The following FBXO15 variants were observed in gnomAD, a reference collection of about 807,000 sequenced individuals.
FBXO15 encodes the protein F-box protein 15.
FBXO15 carries 30 observed loss-of-function variants against 49.5 expected under a neutral mutation model. The observed-to-expected ratio is 0.61, with a 90% CI of 0.45 to 0.82. FBXO15 has a LOEUF of 0.82. Ranked by LOEUF, FBXO15 falls within the 40% of genes least tolerant of loss-of-function variation. The pLI is 0.00. For synonymous variants in FBXO15, 250 were observed against 232.7 expected (o/e 1.07, Z -0.68); for missense variants, 591 against 631.5 (o/e 0.94, Z 0.69).
intron 1 of FBXO15, 161 bp downstream of exon 1, chr18:74,147,509 A>G: frequency 1.6e-6 from 2 of 1,250,224 alleles, no homozygotes; most frequent in East Asian, 3.2e-5. Flanking sequence ...GTTGCAGGGT[A>G]GAAAGGATTT....
At chr18:74,132,176 ATGAGT>A (rs1978435032) in intron 3 of FBXO15, among the ~76,000 whole-genome samples, 1 of 152,256 alleles carries the variant, frequency 6.6e-6, no homozygotes, top group Non-Finnish European at 1.5e-5. Flanking sequence ...CAATGCGATG[ATGAGT>A]TGAGTACATT....
chr18:74,101,309 C>A (rs1448729426), intron 8 of FBXO15, among the ~76,000 whole-genome samples: 2 of 152,138 alleles, frequency 1.3e-5, no homozygotes, highest in Admixed American at 6.5e-5. Context: ...ACAAAAATCA[C>A]ATGATCATCT....
In FBXO15 at chr18:74,140,222, G is replaced by A; in HGVS notation, c.207C>T (p.Cys69=). The part of the protein sequence containing the change: ...GGQHWESSFS[C]CSGFLDGMPS... ...CTTACCCATCCAGGAACCCAGAACAGCAGGAGAAAGAGCTCTCCCAGTGCT... is the reference window on the plus strand; with the variant it reads ...CTTACCCATCCAGGAACCCAGAACAACAGGAGAAAGAGCTCTCCCAGTGCT... The change falls in exon 2 of 10, where the codon TGC becomes TGT. Residue 69 remains cysteine, a synonymous_variant. Transcript: ENST00000419743. The A allele has an allele frequency of 6.4e-7, 1 of 1,551,224 alleles. No homozygotes were observed. The highest frequency in any genetic ancestry group is 8.7e-7 in the Non-Finnish European group (1 of 1,146,872).
At position 74,098,042 on chromosome 18, in the gene FBXO15, C is replaced by T. The variant is rs1599148054; in HGVS notation, c.1139-15991G>A. The T allele has an allele frequency of 2.0e-5, 3 of 152,308 alleles. 1 individual carries two copies. The South Asian group carries it at 6.2e-4, about 32-fold the overall frequency. 9.4% of individuals were successfully genotyped at this position (152,308 alleles called of 1,614,324 possible). On this transcript the variant is annotated intron_variant, in intron 8 of 9. Coordinates refer to ENST00000419743, the MANE Select transcript of FBXO15 (RefSeq NM_001142958.2). ...AGATAACAATCACTACAACTTAGCC[C>T]TCAGGAAACCACATCCCTAGGAAAA...
Position 74,075,347 on chromosome 18 carries a change from G to T in FBXO15, c.1264-1617C>A, listed in dbSNP as rs927591703. Reference sequence around the variant, plus strand: ...CATGTGTTTCTCATCTGCTCCTCCCGGGTGTGGCCCAGTAACCTCCTGCTG... The same window carrying T: ...CATGTGTTTCTCATCTGCTCCTCCCTGGTGTGGCCCAGTAACCTCCTGCTG... On this transcript the variant is annotated intron_variant, in intron 9 of 9. Transcript: ENST00000419743. The surrounding 1 kb of genome is among the most constrained non-coding windows in gnomAD (Gnocchi z 4.1). Among the ~76,000 whole-genome samples the T allele has an allele frequency of 7.2e-5, 11 of 152,158 alleles. No homozygotes were observed. Among genetic ancestry groups the T allele is most frequent in the African/African-American group, 2.4e-5 (1 of 41,428 alleles).
chr18:74,135,252 C>T (rs1978645838), intron 3 of FBXO15, among the ~76,000 whole-genome samples: 1 of 152,206 alleles, frequency 6.6e-6, no homozygotes, highest in Non-Finnish European at 1.5e-5. Context: ...CAGTCTTGGC[C>T]TCTCTCTATC....
chr18:74,104,066 G>A (rs1033660846), intron 8 of FBXO15, among the ~76,000 whole-genome samples: 3 of 152,086 alleles, frequency 2.0e-5, no homozygotes, highest in African/African-American at 4.8e-5. Context: ...CTACAGCAAC[G>A]TGTTAGGAGA....
At chr18:74,101,953 C>T (rs1334591256) in intron 8 of FBXO15, among the ~76,000 whole-genome samples, 1 of 152,066 alleles carries the variant, frequency 6.6e-6, no homozygotes, top group Non-Finnish European at 1.5e-5. Flanking sequence ...CTGCCATACA[C>T]AAAAATCAAC....
At chr18:74,122,724 A>AT (rs1370064501) in intron 8 of FBXO15, 13 of 152,260 alleles carry the variant, frequency 8.5e-5, no homozygotes, top group Middle Eastern at 3.2e-3. Context: ...AATGAAGTAC[A>AT]TAACTTCCCT....
At chr18:74,082,168 A>C in intron 8 of FBXO15, 117 bp from the exon 9 acceptor site, 1 of 1,000,026 alleles carries the variant, frequency 1.0e-6, no homozygotes, top group Non-Finnish European at 1.4e-6. Context: ...GGCCTCAGCG[A>C]TGAGGGCAAC....
At chr18:74,080,914 C>T (rs917208914) in intron 9 of FBXO15, among the ~76,000 whole-genome samples, 1 of 152,164 alleles carries the variant, frequency 6.6e-6, no homozygotes, top group Non-Finnish European at 1.5e-5. Flanking sequence ...TTCTGCCTTT[C>T]TTGATCCTCA....
intron 8 of FBXO15, chr18:74,122,826 A>G (rs888662994): frequency 6.6e-6 from 1 of 152,336 alleles, no homozygotes; most frequent in African/African-American, 2.4e-5. Context: ...GAATGAAACC[A>G]AAAGGAAATA....
At chr18:74,112,381 A>G (rs527438080) in intron 8 of FBXO15, among the ~76,000 whole-genome samples, 96 of 152,368 alleles carry the variant, frequency 6.3e-4, no homozygotes, top group African/African-American at 2.2e-3. Context: ...CTGGTTCAAC[A>G]TTGAAAATCA....
chr18:74,102,639 A>G (rs946876623), intron 8 of FBXO15, among the ~76,000 whole-genome samples: 2 of 152,220 alleles, frequency 1.3e-5, no homozygotes, highest in African/African-American at 2.4e-5. Flanking sequence ...ATTATACAAA[A>G]AAGATACTTG....
chr18:74,096,365 C>T lies in FBXO15; in HGVS notation c.1139-14314G>A, dbSNP rs141797666. Among the ~76,000 whole-genome samples, 304 of 152,214 alleles carry T rather than the reference C, an allele frequency of 2.0e-3. 1 individual carries two copies. The highest frequency in any genetic ancestry group is 3.5e-3 in the Non-Finnish European group (235 of 68,012). ...CACAAACCCCTAGCCAGCCTTCTCA[C>T]ACCGCCAGGATATACTCTTTGGGGC... On this transcript the variant is annotated intron_variant, in intron 8 of 9. Transcript: ENST00000419743.
intron 8 of FBXO15, among the ~76,000 whole-genome samples, chr18:74,103,777 C>CTATCTTTCAAATG (rs1394691583): frequency 6.6e-6 from 1 of 152,064 alleles, no homozygotes; most frequent in Non-Finnish European, 1.5e-5. Flanking sequence ...TCTGGAAAAT[C>CTATCTTTCAAATG]TATCTTTCAA....
chr18:74,073,571 C>G lies in FBXO15; in HGVS notation c.1423G>C (p.Val475Leu). Residue 475 changes from valine to leucine, a missense_variant, in exon 10 of 10, where the codon GTG becomes CTG. Coordinates refer to ENST00000419743, the MANE Select transcript of FBXO15 (RefSeq NM_001142958.2). ...NVDYVDAEGRVHVELVWIRET... is the reference protein window; with the variant it reads ...NVDYVDAEGRLHVELVWIRET... ...CTGATCCACACCAGCTCCACGTGCA[C>G]TCTTCCTTCCGCATCAACGTAGTCC... is the stretch of plus-strand genomic sequence containing the variant. 6.2e-7 allele frequency: 1 copy of G among 1,614,236 alleles called. No individual in the cohort carries two copies. The highest frequency in any genetic ancestry group is 8.5e-7 in the Non-Finnish European group (1 of 1,180,054).
At chr18:74,136,883 G>A (rs979327316) in intron 2 of FBXO15, among the ~76,000 whole-genome samples, 10 of 152,146 alleles carry the variant, frequency 6.6e-5, no homozygotes, top group Non-Finnish European at 1.0e-4. Flanking sequence ...AGTCAGGGGA[G>A]AAATCTTTTG....
intron 8 of FBXO15, among the ~76,000 whole-genome samples, chr18:74,094,342 C>T (rs1245009698): frequency 6.6e-6 from 1 of 152,006 alleles, no homozygotes; most frequent in Non-Finnish European, 1.5e-5. Context: ...AAGTATGTGG[C>T]CTCTCCCCTC....
Sources: gnomAD v4.1 joint callset for allele counts (sites outside exome capture counted in the v4.1 genomes callset) on GRCh38, gnomAD v4.1.1 for gene constraint, Gnocchi (gnomAD v3.1) non-coding constraint, MANE v1.5 for transcripts, NCBI Gene and HGNC (gene_info 2026-07-23, HGNC 2026-07-21) for gene names.